TASOR: variants seen among roughly 807,000 people sequenced by gnomAD.
TASOR encodes the protein protein TASOR.
Under a neutral mutation model 178.6 loss-of-function variants are expected in TASOR, and 53 were observed. That is an observed-to-expected ratio of 0.30 (90% CI 0.24 to 0.37). The LOEUF (loss-of-function observed/expected upper bound fraction) is 0.37, where lower values mean the gene tolerates loss of function less well. Among genes scored for constraint, TASOR ranks in the 10% least tolerant of loss-of-function variants. The pLI, the probability that TASOR is intolerant of heterozygous loss-of-function variation, is 1.00. For synonymous variants in TASOR, 713 were observed against 696.2 expected (o/e 1.02, Z -0.38); for missense variants, 1,815 against 1,971.4 (o/e 0.92, Z 1.50).
In TASOR at chr3:56,622,300, C is replaced by A. The variant is rs2076704571; in HGVS notation, c.*737G>T. Reference sequence around the variant, plus strand: ...ATGGTAATTACTACTAAGACCACCTCAAAAATATATTCCCATTATACTTCC... The same window carrying A: ...ATGGTAATTACTACTAAGACCACCTAAAAAATATATTCCCATTATACTTCC... On this transcript the variant is annotated 3_prime_UTR_variant, in exon 24 of 24. Transcript: ENST00000683822. 6.6e-6 allele frequency: 1 copy of A among 152,036 alleles called. No individual in the cohort carries two copies. The highest frequency in any genetic ancestry group is 1.5e-5 in the Non-Finnish European group (1 of 67,982). 9.4% of individuals were successfully genotyped at this position (152,036 alleles called of 1,614,324 possible). A position where few individuals can be genotyped will look rare whatever the true frequency, so the allele number is the denominator to read the frequency against.
rs1559843955 is a variant in TASOR, at chr3:56,661,002, A to G, written c.1176T>C (p.Asp392=). The change falls in exon 10 of 24, where the codon GAT becomes GAC. Residue 392 remains aspartate (D), a synonymous_variant. Transcript: ENST00000683822. ...GATCAATACTCATAACTGTTTCAAC[A>G]TCTAATTTCTCAGGTCTGAAAGAAA... The part of the protein sequence containing the change: ...FLPIKLPEKL[D]VETVMSIDHL... 1 of 1,600,534 alleles carries G rather than the reference A, an allele frequency of 6.2e-7. No individual in the cohort carries two copies. Among genetic ancestry groups the G allele is most frequent in the Non-Finnish European group, 8.5e-7 (1 of 1,170,230 alleles).
At position 56,641,612 on chromosome 3, in the gene TASOR, C is replaced by T. The variant is rs1335474151; in HGVS notation, c.2356G>A (p.Asp786Asn). 2 of 1,614,136 alleles carry T rather than the reference C, an allele frequency of 1.2e-6. No homozygotes were observed. Among genetic ancestry groups the T allele is most frequent in the Non-Finnish European group, 1.7e-6 (2 of 1,180,010 alleles). The change falls in exon 15 of 24, where the codon GAT becomes AAT. Residue 786 changes from aspartate to asparagine, a missense_variant. Physicochemically the swap from Asp to Asn is conservative, Grantham distance 23. Transcript: ENST00000683822. Reference protein sequence around the residue: ...SETLANARHSDASLTDTVNKA... With the variant: ...SETLANARHSNASLTDTVNKA... Reference sequence around the variant, plus strand: ...TTGACTGTGTCTGTCAGAGATGCATCAGAATGGCGCGCATTTGCTAGTGTT... The same window carrying T: ...TTGACTGTGTCTGTCAGAGATGCATTAGAATGGCGCGCATTTGCTAGTGTT...
chr3:56,657,326 C>G lies in TASOR; in HGVS notation c.1368+3405G>C, dbSNP rs1353987456. Among the ~76,000 whole-genome samples, 7 of 130,250 alleles carry G rather than the reference C, an allele frequency of 5.4e-5. No homozygotes were observed. The Admixed American group carries it at 5.7e-4, about 11-fold the overall frequency. The allele number at this position is 130,250 out of a possible 152,430, so 85.4% of individuals were successfully genotyped here. A position where few individuals can be genotyped will look rare whatever the true frequency, so the allele number is the denominator to read the frequency against. On this transcript the variant is annotated intron_variant, in intron 11 of 23. Transcript: ENST00000683822. Reference sequence around the variant, plus strand: ...CCAGCAACAGAGCAAGGCTCTGTCTCGAAAAAAAAAAAAAAAAAAGTCAAT... The same window carrying G: ...CCAGCAACAGAGCAAGGCTCTGTCTGGAAAAAAAAAAAAAAAAAAGTCAAT...
At chr3:56,671,815 C>T (rs982537834) in intron 2 of TASOR, 123 bp from the exon 3 acceptor site, 10 of 618,792 alleles carry the variant, frequency 1.6e-5, no homozygotes, top group Non-Finnish European at 2.7e-5. Flanking sequence ...CTCTATCTCT[C>T]TATACTCTCT....
intron 18 of TASOR, 139 bp from the exon 19 acceptor site, chr3:56,628,753 G>C: frequency 1.7e-6 from 1 of 571,854 alleles, no homozygotes; most frequent in Non-Finnish European, 2.9e-6. Context: ...CACTCTAAGA[G>C]ACCATCAAAT....
At chr3:56,658,879 G>A (rs6774323) in intron 11 of TASOR, among the ~76,000 whole-genome samples, 48,625 of 151,322 alleles carry the variant, frequency 0.32, 8,324 homozygotes, top group East Asian at 0.49. Context: ...GTGCCACTGC[G>A]CTCCAGCCTG....
chr3:56,626,544 A>C (rs745431623), intron 21 of TASOR, among the ~76,000 whole-genome samples: 2 of 152,088 alleles, frequency 1.3e-5, no homozygotes, highest in Non-Finnish European at 2.9e-5. Context: ...GGAGTTCGAG[A>C]CCAGCCGGGC....
intron 21 of TASOR, 33 bp downstream of exon 21, chr3:56,627,004 A>C: frequency 7.8e-7 from 1 of 1,281,160 alleles, no homozygotes; most frequent in East Asian, 2.3e-5. Flanking sequence ...GTTAAAATCA[A>C]CAACCATTAT....
intron 1 of TASOR, among the ~76,000 whole-genome samples, chr3:56,674,447 C>A (rs1227855335): frequency 6.6e-6 from 1 of 151,906 alleles, no homozygotes; most frequent in Middle Eastern, 3.2e-3. Flanking sequence ...GAGTTCAAGG[C>A]TGCAGTGAGC....
chr3:56,666,413 T>C, intron 6 of TASOR, 29 bp from the exon 7 acceptor site: 9 of 1,443,152 alleles, frequency 6.2e-6, no homozygotes, highest in Non-Finnish European at 8.2e-6. Flanking sequence ...AAAATTAACT[T>C]CTTTAAAAAG....
At chr3:56,651,943 A>G (rs2077361084) in intron 11 of TASOR, among the ~76,000 whole-genome samples, 1 of 152,200 alleles carries the variant, frequency 6.6e-6, no homozygotes, top group Non-Finnish European at 1.5e-5. Flanking sequence ...GAAATAACTG[A>G]TAAAAGAACA....
Position 56,671,641 on chromosome 3 carries a change from G to T in TASOR, c.529C>A (p.Leu177Ile). Residue 177 changes from leucine (L) to isoleucine (I), a missense_variant, in exon 3 of 24, where the codon CTT becomes ATT. By Grantham distance (5) the Leu-to-Ile change is conservative. This residue lies in a region of TASOR where 504 missense variants were observed against 645.3 expected (regional missense o/e 0.78). Transcript: ENST00000683822. ...ATCAGAAATGCATAGGATTCTGAAA[G>T]TTCCTTATCTAAACGACCATCAAAC... ...LKFDGRLDKE[L>I]SESYAFLMVD... 2 of 1,549,810 alleles carry T rather than the reference G, an allele frequency of 1.3e-6. No homozygotes were observed. The highest frequency in any genetic ancestry group is 1.7e-6 in the Non-Finnish European group (2 of 1,146,070).
chr3:56,661,937 T>C (rs1225460563), intron 9 of TASOR, among the ~76,000 whole-genome samples: 2 of 151,142 alleles, frequency 1.3e-5, no homozygotes, highest in Admixed American at 6.6e-5. Context: ...CCAGACTGAC[T>C]GACATGGCAA....
intron 19 of TASOR, 123 bp downstream of exon 19, chr3:56,628,369 G>T (rs2076840828): frequency 1.6e-5 from 14 of 856,504 alleles, no homozygotes; most frequent in Non-Finnish European, 2.5e-5. Flanking sequence ...CTGATTCACA[G>T]ATGGGTCCTT....
At position 56,674,271 on chromosome 3, in the gene TASOR, C is replaced by A. The variant is rs569578851; in HGVS notation, c.332-546G>T. ...ATTCCAGCTCTTTGGGAGGCCAAGG[C>A]AGCAAGACTGCTTGAGCTCAGGAGT... is the stretch of plus-strand genomic sequence containing the variant. On this transcript the variant is annotated intron_variant, in intron 1 of 23. Transcript: ENST00000683822. 3.4e-5 allele frequency among the ~76,000 whole-genome samples: 5 copies of A among 146,768 alleles called. No homozygotes were observed. In the East Asian group the frequency reaches 1.0e-3, roughly 30 times the overall value.
Position 56,673,858 on chromosome 3 carries a change from C to G in TASOR, c.332-133G>C, listed in dbSNP as rs138606941. 1.3e-4 allele frequency: 93 copies of G among 731,344 alleles called. No homozygotes were observed. The African/African-American group carries it at 1.4e-3, about 11-fold the overall frequency. 45.3% of individuals were successfully genotyped at this position (731,344 alleles called of 1,614,324 possible). On this transcript the variant is annotated intron_variant, in intron 1 of 23. Transcript: ENST00000683822. ...ATCAAGGCTATCTTACTTTGTGATA[C>G]GCAAAAGAGATACTTATTAACTCAT...
intron 14 of TASOR, among the ~76,000 whole-genome samples, chr3:56,644,421 A>T (rs1021184543): frequency 1.3e-5 from 2 of 152,168 alleles, no homozygotes; most frequent in African/African-American, 4.8e-5. Flanking sequence ...AATAGACAGA[A>T]AGCTGAGGAG....
chr3:56,638,304 T>C (rs1485313714), intron 17 of TASOR, among the ~76,000 whole-genome samples: 1 of 152,110 alleles, frequency 6.6e-6, no homozygotes, highest in Non-Finnish European at 1.5e-5. Flanking sequence ...AGGCAGAGGT[T>C]GCAGTGAGCC....
intron 21 of TASOR, among the ~76,000 whole-genome samples, chr3:56,625,731 C>A (rs2076784293): frequency 6.6e-6 from 1 of 151,480 alleles, no homozygotes; most frequent in Non-Finnish European, 1.5e-5. Flanking sequence ...GTCGCCGATT[C>A]TCCTGCCTCA....
Sources: allele counts gnomAD v4.1 joint callset (sites outside exome capture counted in the v4.1 genomes callset), GRCh38; gene constraint gnomAD v4.1.1; regional missense constraint gnomAD v4.1.1; transcripts MANE v1.5; gene names NCBI Gene and HGNC (gene_info 2026-07-23, HGNC 2026-07-21).